Variants in GABRA3 observed in about 807,000 individuals in gnomAD.
The protein encoded by GABRA3 is gamma-aminobutyric acid type A receptor subunit alpha3, also known as gamma-aminobutyric acid receptor subunit alpha-3.
In GABRA3, 10 loss-of-function variants were observed where a neutral mutation model predicts 30.1. The ratio of observed to expected loss-of-function variants is 0.33; its 90% CI spans 0.20 to 0.56. GABRA3 has a LOEUF of 0.56. Ranked by LOEUF, GABRA3 falls within the 20% of genes least tolerant of loss-of-function variation. The pLI is 0.89. For synonymous variants in GABRA3, 151 were observed against 146.8 expected, an observed-to-expected ratio of 1.03 and a Z score of -0.21; for missense variants, 233 against 392.0, an observed-to-expected ratio of 0.59 and a Z score of 3.42.
chrX:152,224,345 T>G (rs1257964725), intron 6 of GABRA3, among the ~76,000 whole-genome samples: 2 of 112,105 alleles, frequency 1.8e-5, no homozygotes, highest in African/African-American at 6.5e-5. Flanking sequence ...TGTTAAGAAT[T>G]GGATAGAAGT....
At chrX:152,347,034 C>T (rs760451412) in intron 2 of GABRA3, among the ~76,000 whole-genome samples, 3 of 111,859 alleles carry the variant, frequency 2.7e-5, no homozygotes, top group Non-Finnish European at 5.6e-5. Context: ...AAGAGATATC[C>T]GCACACCCAT....
chrX:152,191,081 T>C (rs1216234455), intron 8 of GABRA3, among the ~76,000 whole-genome samples: 6 of 109,633 alleles, frequency 5.5e-5, no homozygotes, highest in Non-Finnish European at 9.5e-5. Context: ...AGATTATGTA[T>C]ATATATACAC....
chrX:152,381,700 C>T (rs953749096), intron 1 of GABRA3, among the ~76,000 whole-genome samples: 6 of 105,167 alleles, frequency 5.7e-5, no homozygotes, highest in Non-Finnish European at 9.8e-5. Flanking sequence ...CCTCCCCTAA[C>T]CCCCCCCACC....
chrX:152,347,321 A>C (rs887407539), intron 2 of GABRA3, among the ~76,000 whole-genome samples: 1 of 111,774 alleles, frequency 8.9e-6, no homozygotes, highest in African/African-American at 3.2e-5. Flanking sequence ...AGAGAGTAGA[A>C]GCATTGTTAC....
In GABRA3 at chrX:152,436,966, T is replaced by C. The variant is rs192568044; in HGVS notation, c.-27+14180A>G. On this transcript the variant is annotated intron_variant, in intron 1 of 9. Coordinates refer to ENST00000370314, the MANE Select transcript of GABRA3 (RefSeq NM_000808.4). Reference sequence around the variant, plus strand: ...AATTTGTATTATATTTAATATTATATATTGTATTATAGAATGACCCAATAA... The same window carrying C: ...AATTTGTATTATATTTAATATTATACATTGTATTATAGAATGACCCAATAA... Among the ~76,000 whole-genome samples the C allele has an allele frequency of 1.2e-4, 13 of 111,586 alleles. No individual in the cohort carries two copies. In the East Asian group the frequency reaches 3.6e-3, roughly 31 times the overall value.
At position 152,199,755 on chromosome X, in the gene GABRA3, C is replaced by G. The variant is rs149386594; in HGVS notation, c.779-1970G>C. Among the ~76,000 whole-genome samples, 559 of 110,629 alleles carry G rather than the reference C, an allele frequency of 5.1e-3. 14 individuals carry two copies. The South Asian group carries it at 0.056, about 11-fold the overall frequency. ...CATTCAAAATGGCTCCCCCAAGAGA[C>G]TTTCCACTGACTTCTCAACCCCACC... On this transcript the variant is annotated intron_variant, in intron 7 of 9. Transcript: ENST00000370314.
At chrX:152,171,187 T>A (rs959471297) in intron 9 of GABRA3, among the ~76,000 whole-genome samples, 1 of 112,069 alleles carries the variant, frequency 8.9e-6, no homozygotes, top group Non-Finnish European at 1.9e-5. Context: ...TAGAAGCTTT[T>A]ATATATGTTA....
chrX:152,450,072 A>T (rs1931184159), intron 1 of GABRA3, among the ~76,000 whole-genome samples: 1 of 111,208 alleles, frequency 9.0e-6, no homozygotes, highest in African/African-American at 3.3e-5. Context: ...AAACAATTGG[A>T]TCCCTTCCCC....
intron 7 of GABRA3, among the ~76,000 whole-genome samples, chrX:152,205,410 G>C: frequency 8.9e-6 from 1 of 111,904 alleles, no homozygotes; most frequent in East Asian, 2.8e-4. Context: ...ATGCTATAGG[G>C]AAAAGAAGGG....
chrX:152,225,627 T>C (rs151154091), intron 5 of GABRA3, among the ~76,000 whole-genome samples: 1 of 110,795 alleles, frequency 9.0e-6, no homozygotes, highest in African/African-American at 3.3e-5. Context: ...TACATACTCA[T>C]TCCCCTGCAA....
chrX:152,229,317 A>G (rs139977528), intron 5 of GABRA3, among the ~76,000 whole-genome samples: 3,346 of 111,424 alleles, frequency 0.03, 61 homozygotes, highest in Non-Finnish European at 0.037. Flanking sequence ...GAGGCAACCC[A>G]GGAAGCCCCT....
At chrX:152,231,742 A>T (rs987254688) in intron 5 of GABRA3, among the ~76,000 whole-genome samples, 11 of 111,949 alleles carry the variant, frequency 9.8e-5, no homozygotes, top group Admixed American at 7.6e-4. Flanking sequence ...TATTCACAAT[A>T]GATAAAAGGT....
intron 4 of GABRA3, among the ~76,000 whole-genome samples, chrX:152,280,410 A>T (rs1008661820): frequency 1.2e-4 from 13 of 111,610 alleles, no homozygotes; most frequent in African/African-American, 3.9e-4. Context: ...TGAAGTAGAC[A>T]TAGCTACTTT....
chrX:152,439,535 G>A (rs1230193714), intron 1 of GABRA3, among the ~76,000 whole-genome samples: 1 of 111,568 alleles, frequency 9.0e-6, no homozygotes, highest in Non-Finnish European at 1.9e-5. Context: ...CCACTTTGGA[G>A]AATAGCTTGA....
chrX:152,437,771 T>A (rs1331378900), intron 1 of GABRA3, among the ~76,000 whole-genome samples: 1 of 111,908 alleles, frequency 8.9e-6, no homozygotes, highest in African/African-American at 3.3e-5. Context: ...TAAATGATAG[T>A]CTTTTCAACA....
At chrX:152,439,141 T>TA (rs1302902341) in intron 1 of GABRA3, among the ~76,000 whole-genome samples, 1 of 109,942 alleles carries the variant, frequency 9.1e-6, no homozygotes, top group African/African-American at 3.3e-5. Context: ...TTATTATTAT[T>TA]TTTTGAGATG....
intron 6 of GABRA3, among the ~76,000 whole-genome samples, chrX:152,215,389 T>C (rs1432981690): frequency 9.0e-6 from 1 of 111,359 alleles, no homozygotes; most frequent in Non-Finnish European, 1.9e-5. Context: ...TTGAATATTA[T>C]TTTCTTCATC....
intron 7 of GABRA3, among the ~76,000 whole-genome samples, chrX:152,203,758 T>A (rs1340285350): frequency 8.9e-6 from 1 of 111,858 alleles, no homozygotes; most frequent in Non-Finnish European, 1.9e-5. Flanking sequence ...CTTCTACTCA[T>A]TTTCTTTTTG....
intron 1 of GABRA3, among the ~76,000 whole-genome samples, chrX:152,430,820 C>A (rs1199037156): frequency 4.6e-5 from 5 of 108,709 alleles, no homozygotes; most frequent in African/African-American, 1.0e-4. Context: ...ATGAGATGGA[C>A]AATAGAAAAT....
Sources: allele counts gnomAD v4.1 joint callset (sites outside exome capture counted in the v4.1 genomes callset), GRCh38; gene constraint gnomAD v4.1.1; transcripts MANE v1.5; gene names NCBI Gene and HGNC (gene_info 2026-07-23, HGNC 2026-07-21).